Variants in PIK3CG observed in about 807,000 individuals in gnomAD.
The protein encoded by PIK3CG is phosphatidylinositol 4,5-bisphosphate 3-kinase catalytic subunit gamma isoform.
A neutral mutation model predicts 102.3 loss-of-function variants in PIK3CG; 55 were observed. The observed-to-expected ratio is 0.54, with a 90% confidence interval of 0.43 to 0.67. The LOEUF (loss-of-function observed/expected upper bound fraction) is 0.67, where lower values mean the gene tolerates loss of function less well. PIK3CG is among the 30% of genes least tolerant of loss of function. The pLI, the probability that PIK3CG is intolerant of heterozygous loss-of-function variation, is 0.00. For missense variants in PIK3CG, 1,258 were observed against 1,391.8 expected (o/e 0.90, Z 1.53); for synonymous variants, 552 against 540.0 (o/e 1.02, Z -0.31).
In PIK3CG at chr7:106,897,314, G is replaced by C. The variant is rs913460769; in HGVS notation, c.3031-7795G>C. 4.6e-5 allele frequency among the ~76,000 whole-genome samples: 7 copies of C among 152,090 alleles called. No individual in the cohort carries two copies. The East Asian group carries it at 1.3e-3, about 29-fold the overall frequency. ...TAGATTCCTAGCATGGAAGTTGCTG[G>C]GTAAAAGGATATAGATGTTTTTAAA... On this transcript the variant is annotated intron_variant, in intron 10 of 10. Transcript: ENST00000496166. The surrounding 1 kb of genome is among the most constrained non-coding windows in gnomAD (Gnocchi z 4.6).
chr7:106,887,484 G>A (rs1385029191), intron 10 of PIK3CG, among the ~76,000 whole-genome samples: 1 of 152,150 alleles, frequency 6.6e-6, no homozygotes, highest in Non-Finnish European at 1.5e-5. Context: ...AGGATACATT[G>A]TTTTGAAACC....
In PIK3CG at chr7:106,907,480, A is replaced by G. The variant is rs1190101351; in HGVS notation, c.*2093A>G. Among the ~76,000 whole-genome samples, 2 of 152,122 alleles carry G rather than the reference A, an allele frequency of 1.3e-5. No homozygotes were observed. The highest frequency in any genetic ancestry group is 2.9e-5 in the Non-Finnish European group (2 of 68,020). On this transcript the variant is annotated 3_prime_UTR_variant, in exon 11 of 11. Transcript: ENST00000496166. ...ATTTTGTGGCACTTCTGGACCAACT[A>G]TTCCCTACTATTCTTTTGAAGAAAG...
intron 10 of PIK3CG, among the ~76,000 whole-genome samples, chr7:106,886,594 G>A (rs187738274): frequency 6.6e-6 from 1 of 152,278 alleles, no homozygotes; most frequent in Admixed American, 6.5e-5. Context: ...AGGGCTTTCA[G>A]GAAGGGTGTC....
chr7:106,886,396 C>G (rs890007631), intron 10 of PIK3CG, 104 bp downstream of exon 10: 2 of 1,108,410 alleles, frequency 1.8e-6, no homozygotes, highest in Admixed American at 2.2e-5. Flanking sequence ...GCCAGTCCAG[C>G]CTCTACCCCT....
At position 106,883,636 on chromosome 7, in the gene PIK3CG, C is replaced by G. The variant is rs571793555; in HGVS notation, c.2760+473C>G. On this transcript the variant is annotated intron_variant, in intron 8 of 10. Transcript: ENST00000496166. The surrounding 1 kb of genome is among the most constrained non-coding windows in gnomAD (Gnocchi z 5.8). ...ACCATTCCTTGGAAGTGCATATGCT[C>G]AATCCTTCACAAGCTGTGTTTTAGC... is the stretch of plus-strand genomic sequence containing the variant. Among the ~76,000 whole-genome samples, 2 of 152,196 alleles carry G rather than the reference C, an allele frequency of 1.3e-5. No individual in the cohort carries two copies. The highest frequency in any genetic ancestry group is 2.9e-5 in the Non-Finnish European group (2 of 68,046).
Position 106,905,129 on chromosome 7 carries a change from T to C in PIK3CG, c.3051T>C (p.Tyr1017=), listed in dbSNP as rs2116617060. ...TCCAGGACATCTGTGTTAAGGCTTA[T>C]CTAGCCCTTCGTCATCACACAAACC... The part of the protein sequence containing the change: ...QKFQDICVKA[Y]LALRHHTNLL... The change falls in exon 11 of 11, where the codon TAT becomes TAC. Residue 1017 remains tyrosine (Y), a synonymous_variant. Coordinates refer to ENST00000496166, the MANE Select transcript of PIK3CG (RefSeq NM_001282426.2). The surrounding 1 kb of genome is among the most constrained non-coding windows in gnomAD (Gnocchi z 5.6). 5 of 1,614,052 alleles carry C rather than the reference T, an allele frequency of 3.1e-6. No individual in the cohort carries two copies. Among genetic ancestry groups the C allele is most frequent in the Non-Finnish European group, 4.2e-6 (5 of 1,179,938 alleles).
Position 106,905,527 on chromosome 7 carries a change from T to G in PIK3CG, c.*140T>G. On this transcript the variant is annotated 3_prime_UTR_variant, in exon 11 of 11. Coordinates refer to ENST00000496166, the MANE Select transcript of PIK3CG (RefSeq NM_001282426.2). The surrounding 1 kb of genome is among the most constrained non-coding windows in gnomAD (Gnocchi z 5.6). ...TATAGCTCTTTTCCTACCTGAACTC[T>G]TCCCTGGAGAAAAGATGTTGGCATT... 2 of 726,800 alleles carry G rather than the reference T, an allele frequency of 2.8e-6. No individual in the cohort carries two copies. Among genetic ancestry groups the G allele is most frequent in the Non-Finnish European group, 2.2e-6 (1 of 447,096 alleles). The allele number at this position is 726,800 out of a possible 1,614,324, so 45.0% of individuals were successfully genotyped here.
intron 5 of PIK3CG, among the ~76,000 whole-genome samples, chr7:106,878,464 TC>T (rs988682070): frequency 2.7e-4 from 41 of 152,288 alleles, no homozygotes; most frequent in African/African-American, 9.4e-4. Flanking sequence ...CTCTGAGACT[TC>T]AGTTACAGTA....
At position 106,872,813 on chromosome 7, in the gene PIK3CG, T is replaced by G; in HGVS notation, c.2162T>G (p.Leu721Arg). The G allele has an allele frequency of 6.2e-7, 1 of 1,614,112 alleles. No homozygotes were observed. The highest frequency in any genetic ancestry group is 8.5e-7 in the Non-Finnish European group (1 of 1,179,934). Reference sequence around the variant, plus strand: ...TTCGCTGTGATTCTGGAAGCCTATCTGAGGGGCTGTGGCACAGCCATGCTG... The same window carrying G: ...TTCGCTGTGATTCTGGAAGCCTATCGGAGGGGCTGTGGCACAGCCATGCTG... ...QRFAVILEAYLRGCGTAMLHD... is the reference protein window; with the variant it reads ...QRFAVILEAYRRGCGTAMLHD... The change falls in exon 4 of 11, where the codon CTG becomes CGG. Residue 721 changes from leucine (L) to arginine (R), a missense_variant. Physicochemically the swap from Leu to Arg is moderately radical, Grantham distance 102. This residue lies in a region of PIK3CG where 426 missense variants were observed against 604.2 expected (regional missense o/e 0.71). Coordinates refer to ENST00000496166, the MANE Select transcript of PIK3CG (RefSeq NM_001282426.2). This position sits in a 1 kb window ranked among gnomAD's most constrained non-coding sequence, Gnocchi z 5.3.
In PIK3CG at chr7:106,897,121, A is replaced by G. The variant is rs1160338093; in HGVS notation, c.3031-7988A>G. On this transcript the variant is annotated intron_variant, in intron 10 of 10. Coordinates refer to ENST00000496166, the MANE Select transcript of PIK3CG (RefSeq NM_001282426.2). The surrounding 1 kb of genome is among the most constrained non-coding windows in gnomAD (Gnocchi z 4.6). ...TATCCTTCTACAGTATCTTTCTAGT[A>G]GTTCCAGGACATGCAATTTTAAGTA... Among the ~76,000 whole-genome samples the G allele has an allele frequency of 6.6e-6, 1 of 152,212 alleles. No individual in the cohort carries two copies. Among genetic ancestry groups the G allele is most frequent in the Admixed American group, 6.5e-5 (1 of 15,284 alleles).
chr7:106,902,329 G>C lies in PIK3CG; in HGVS notation c.3031-2780G>C, dbSNP rs1791579784. ...CTCCTTGGGTCAGCTGCAGCTTGCTGGAGGTGTAAAATCACCCTTTCTAGG... is the reference window on the plus strand; with the variant it reads ...CTCCTTGGGTCAGCTGCAGCTTGCTCGAGGTGTAAAATCACCCTTTCTAGG... On this transcript the variant is annotated intron_variant, in intron 10 of 10. Coordinates refer to ENST00000496166, the MANE Select transcript of PIK3CG (RefSeq NM_001282426.2). This position sits in a 1 kb window ranked among gnomAD's most constrained non-coding sequence, Gnocchi z 4.3. Among the ~76,000 whole-genome samples the C allele has an allele frequency of 6.6e-6, 1 of 152,140 alleles. No individual in the cohort carries two copies. The highest frequency in any genetic ancestry group is 2.4e-5 in the African/African-American group (1 of 41,416).
At position 106,907,354 on chromosome 7, in the gene PIK3CG, C is replaced by T. The variant is rs1308485701; in HGVS notation, c.*1967C>T. 6.6e-6 allele frequency among the ~76,000 whole-genome samples: 1 copy of T among 152,134 alleles called. No homozygotes were observed. Among genetic ancestry groups the T allele is most frequent in the Non-Finnish European group, 1.5e-5 (1 of 68,026 alleles). ...AGGTATCTAGAAAAAAACTCCTCTT[C>T]TTTGGCAACCTGTCCTTTTAAAATC... On this transcript the variant is annotated 3_prime_UTR_variant, in exon 11 of 11. Coordinates refer to ENST00000496166, the MANE Select transcript of PIK3CG (RefSeq NM_001282426.2).
At position 106,872,698 on chromosome 7, in the gene PIK3CG, T is replaced by C. The variant is rs770641722; in HGVS notation, c.2062-15T>C. ...TTAGTCATAATAATTTCAACTTTCT[T>C]GTACCTGCCCTCAGAACAAAAGAAT... is the stretch of plus-strand genomic sequence containing the variant. On this transcript the variant is annotated splice_polypyrimidine_tract_variant and intron_variant, in intron 3 of 10. Transcript: ENST00000496166. The surrounding 1 kb of genome is among the most constrained non-coding windows in gnomAD (Gnocchi z 5.3). The C allele has an allele frequency of 1.6e-5, 26 of 1,610,714 alleles. No individual in the cohort carries two copies. The highest frequency in any genetic ancestry group is 2.2e-5 in the Non-Finnish European group (26 of 1,176,952).
Position 106,874,753 on chromosome 7 carries a change from GA to G in PIK3CG, c.2344del (p.Ser782AlafsTer10). 1 of 1,614,002 alleles carries G rather than the reference GA, an allele frequency of 6.2e-7. No homozygotes were observed. Among genetic ancestry groups the G allele is most frequent in the Non-Finnish European group, 8.5e-7 (1 of 1,179,934 alleles). On this transcript the variant is annotated frameshift_variant, in exon 5 of 11. Transcript: ENST00000496166. LOFTEE classifies it high-confidence loss of function. The surrounding 1 kb of genome is among the most constrained non-coding windows in gnomAD (Gnocchi z 4.3). ...AAACCTGCAGAATTCTCAACTCCCC[GA>G]AAGCTTTAGAGTTCCATATGATCCT... ...LENLQNSQLPESFRVPYDPGL... is the reference protein window; with the variant it reads ...LENLQNSQLPXSFRVPYDPGL...
At chr7:106,885,835 A>G (rs895473485) in intron 9 of PIK3CG, among the ~76,000 whole-genome samples, 1 of 152,200 alleles carries the variant, frequency 6.6e-6, no homozygotes, top group East Asian at 1.9e-4. Flanking sequence ...TAATGATGAC[A>G]TAGTGGCCAG....
At chr7:106,887,585 CTG>C (rs1464044111) in intron 10 of PIK3CG, among the ~76,000 whole-genome samples, 1 of 152,194 alleles carries the variant, frequency 6.6e-6, no homozygotes, top group African/African-American at 2.4e-5. Context: ...GTCAGAGAAA[CTG>C]AGATCTCTGT....
In PIK3CG at chr7:106,899,505, T is replaced by C. The variant is rs1791491596; in HGVS notation, c.3031-5604T>C. On this transcript the variant is annotated intron_variant, in intron 10 of 10. Transcript: ENST00000496166. The surrounding 1 kb of genome is among the most constrained non-coding windows in gnomAD (Gnocchi z 4.6). ...TATAATGTTGGCTGTGGGTTTGTCATAAATGGCTCTCATTATTTTGAGATA... is the reference window on the plus strand; with the variant it reads ...TATAATGTTGGCTGTGGGTTTGTCACAAATGGCTCTCATTATTTTGAGATA... Among the ~76,000 whole-genome samples the C allele has an allele frequency of 6.6e-6, 1 of 152,202 alleles. No homozygotes were observed. Among genetic ancestry groups the C allele is most frequent in the South Asian group, 2.1e-4 (1 of 4,832 alleles).
In PIK3CG at chr7:106,869,342, G is replaced by A. The variant is rs1212528123; in HGVS notation, c.1781G>A (p.Ser594Asn). The stretch of plus-strand genomic sequence containing the variant: ...CCAAAAGCATATCCTAAGCTATTTA[G>A]TTCAGTGAAATGGGGACAGCAAGAA... Reference protein sequence around the residue: ...KHPKAYPKLFSSVKWGQQEIV... With the variant: ...KHPKAYPKLFNSVKWGQQEIV... The change falls in exon 2 of 11, where the codon AGT becomes AAT. Residue 594 changes from serine to asparagine, a missense_variant. Ser to Asn is a conservative substitution (Grantham distance 46, BLOSUM62 1). Transcript: ENST00000496166. The surrounding 1 kb of genome is among the most constrained non-coding windows in gnomAD (Gnocchi z 5.3). 5.6e-6 allele frequency: 9 copies of A among 1,614,136 alleles called. No individual in the cohort carries two copies. The highest frequency in any genetic ancestry group is 5.0e-5 in the Admixed American group (3 of 60,016).
In PIK3CG at chr7:106,874,685, T is replaced by G; in HGVS notation, c.2288-15T>G. Reference sequence around the variant, plus strand: ...TGGAACTCACATAACTCTTGTGTACTTTTGACAATTACAGTTATTTCACAA... The same window carrying G: ...TGGAACTCACATAACTCTTGTGTACGTTTGACAATTACAGTTATTTCACAA... On this transcript the variant is annotated splice_polypyrimidine_tract_variant and intron_variant, in intron 4 of 10. Coordinates refer to ENST00000496166, the MANE Select transcript of PIK3CG (RefSeq NM_001282426.2). This position sits in a 1 kb window ranked among gnomAD's most constrained non-coding sequence, Gnocchi z 4.3. 1 of 1,529,230 alleles carries G rather than the reference T, an allele frequency of 6.5e-7. No homozygotes were observed. The highest frequency in any genetic ancestry group is 9.1e-7 in the Non-Finnish European group (1 of 1,103,226). 94.7% of individuals were successfully genotyped at this position (1,529,230 alleles called of 1,614,324 possible).
Sources: allele counts gnomAD v4.1 joint callset (sites outside exome capture counted in the v4.1 genomes callset), GRCh38; gene constraint gnomAD v4.1.1; regional missense constraint gnomAD v4.1.1; non-coding constraint Gnocchi (gnomAD v3.1); transcripts MANE v1.5; gene names NCBI Gene and HGNC (gene_info 2026-07-23, HGNC 2026-07-21).